Variants in RGS12 observed in about 807,000 individuals in gnomAD.
RGS12 encodes the protein regulator of G-protein signaling 12.
A neutral mutation model predicts 120.1 loss-of-function variants in RGS12; 66 were observed. That is an observed-to-expected ratio of 0.55 (90% CI 0.45 to 0.67). The LOEUF (loss-of-function observed/expected upper bound fraction) is 0.67. Among genes scored for constraint, RGS12 ranks in the 30% least tolerant of loss-of-function variants. The pLI, the probability that RGS12 is intolerant of heterozygous loss-of-function variation, is 0.00. For missense variants in RGS12, 1,859 were observed against 1,957.7 expected, an observed-to-expected ratio of 0.95 and a Z score of 0.95; for synonymous variants, 827 against 804.7, an observed-to-expected ratio of 1.03 and a Z score of -0.47.
At chr4:3,309,607 C>T (rs1156567436) in intron 1 of RGS12, among the ~76,000 whole-genome samples, 3 of 123,504 alleles carry the variant, frequency 2.4e-5, no homozygotes, top group Non-Finnish European at 4.9e-5. Context: ...GGAGCTGGGA[C>T]CTGGGAATGG....
intron 16 of RGS12, 101 bp from the exon 17 acceptor site, chr4:3,430,305 GT>G: frequency 9.4e-7 from 1 of 1,067,602 alleles, no homozygotes; most frequent in Non-Finnish European, 1.4e-6. Context: ...CTGATAGGGT[GT>G]TAGGACAGCC....
At chr4:3,322,064 C>T (rs1242887986) in intron 2 of RGS12, among the ~76,000 whole-genome samples, 2 of 152,258 alleles carry the variant, frequency 1.3e-5, no homozygotes, top group Admixed American at 6.5e-5. Context: ...CCGCCTCCAT[C>T]CTGCTGTCTG....
chr4:3,351,146 A>G (rs34780636), intron 3 of RGS12, among the ~76,000 whole-genome samples: 7,490 of 152,222 alleles, frequency 0.049, 221 homozygotes, highest in South Asian at 0.096. Flanking sequence ...TTCAGATTCA[A>G]TTGAATTTAG....
At chr4:3,286,604 G>T in the RGS12 span, among the ~76,000 whole-genome samples, 1 of 152,240 alleles carries the variant, frequency 6.6e-6, no homozygotes, top group Admixed American at 6.5e-5. Flanking sequence ...GCGGTGTGGG[G>T]TTTGCTCTCC....
Position 3,302,047 on chromosome 4 carries a change from T to C in RGS12, c.-102+8948T>C, listed in dbSNP as rs192516483. 1.8e-4 allele frequency among the ~76,000 whole-genome samples: 28 copies of C among 152,040 alleles called. 1 individual carries two copies. The East Asian group carries it at 5.4e-3, about 29-fold the overall frequency. ...CATTTATAGTCTCACTCTGCACAGA[T>C]TTAAAAACCACAAACAGAAGTAAAT... On this transcript the variant is annotated intron_variant, in intron 1 of 17. Transcript: ENST00000336727.
chr4:3,337,662 A>C (rs1712621244), intron 2 of RGS12, among the ~76,000 whole-genome samples: 1 of 152,160 alleles, frequency 6.6e-6, no homozygotes, highest in Non-Finnish European at 1.5e-5. Flanking sequence ...CAAATTCATA[A>C]AGACAGAAAG....
chr4:3,422,669 G>C, intron 11 of RGS12, 99 bp downstream of exon 11: 1 of 1,335,736 alleles, frequency 7.5e-7, no homozygotes, highest in South Asian at 1.4e-5. Context: ...CCCCTCCTGC[G>C]CTCCTCATTT....
chr4:3,360,923 A>G lies in RGS12; in HGVS notation c.1998+17870A>G, dbSNP rs114798689. Among the ~76,000 whole-genome samples the G allele has an allele frequency of 2.6e-3, 402 of 152,336 alleles. 2 individuals carry two copies. The highest frequency in any genetic ancestry group is 9.4e-3 in the African/African-American group (389 of 41,572). On this transcript the variant is annotated intron_variant, in intron 3 of 17. Coordinates refer to ENST00000336727, the MANE Select transcript of RGS12 (RefSeq NM_001394154.1). ...TGCTAGCCAAAGTCACATATGAGAA[A>G]GTTTCCAGGCAAATTCCTAGAGTTC...
At chr4:3,300,883 G>T (rs997500685) in intron 1 of RGS12, among the ~76,000 whole-genome samples, 1 of 152,188 alleles carries the variant, frequency 6.6e-6, no homozygotes, top group South Asian at 2.1e-4. Flanking sequence ...TCCAAATAGG[G>T]TCACAATCAC....
chr4:3,373,683 C>A (rs1015744818), intron 3 of RGS12, among the ~76,000 whole-genome samples: 1 of 152,168 alleles, frequency 6.6e-6, no homozygotes, highest in Non-Finnish European at 1.5e-5. Flanking sequence ...GGCCTCTGCC[C>A]GCCTGTGTCC....
In RGS12 at chr4:3,420,632, C is replaced by A. The variant is rs1722910167; in HGVS notation, c.2762-10C>A. The A allele has an allele frequency of 2.5e-6, 4 of 1,613,380 alleles. No homozygotes were observed. The highest frequency in any genetic ancestry group is 3.4e-6 in the Non-Finnish European group (4 of 1,179,812). On this transcript the variant is annotated splice_polypyrimidine_tract_variant and intron_variant, in intron 9 of 17. Coordinates refer to ENST00000336727, the MANE Select transcript of RGS12 (RefSeq NM_001394154.1). ...TGATTGACGTGAGTCACTGTGTTTC[C>A]CCTGTCAAGACGCCCTGCATGCCAA...
In RGS12 at chr4:3,439,568, C is replaced by T. The variant is rs1467069244; in HGVS notation, c.4228C>T (p.Pro1410Ser). ...DGGIAGAQAG[P>S]GRSQASGGPP... ...TGGCATAGCGGGGGCACAGGCTGGC[C>T]CTGGGAGGTCGCAGGCCAGTGGTGG... The change falls in exon 18 of 18, where the codon CCT becomes TCT. Residue 1410 changes from proline (P) to serine (S), a missense_variant. This residue lies in a region of RGS12 where 517 missense variants were observed against 488.5 expected (regional missense o/e 1.06). Coordinates refer to ENST00000336727, the MANE Select transcript of RGS12 (RefSeq NM_001394154.1). 3 of 1,611,728 alleles carry T rather than the reference C, an allele frequency of 1.9e-6. No homozygotes were observed. Among genetic ancestry groups the T allele is most frequent in the Admixed American group, 1.7e-5 (1 of 59,910 alleles).
intron 2 of RGS12, among the ~76,000 whole-genome samples, chr4:3,339,640 G>A (rs917879236): frequency 6.6e-6 from 1 of 152,250 alleles, no homozygotes; most frequent in Admixed American, 6.5e-5. Flanking sequence ...GAAGACAAAG[G>A]CTTTTAAAGG....
Position 3,389,679 on chromosome 4 carries a change from C to T in RGS12, c.2020+3242C>T, listed in dbSNP as rs191567869. ...CTGTGACCACCTCACCTTCTGAAGT[C>T]GGGGTGTGGAGACTATCGGGGAGCT... On this transcript the variant is annotated intron_variant, in intron 4 of 17. Coordinates refer to ENST00000336727, the MANE Select transcript of RGS12 (RefSeq NM_001394154.1). The surrounding 1 kb of genome is among the most constrained non-coding windows in gnomAD (Gnocchi z 5.2). 3.9e-5 allele frequency among the ~76,000 whole-genome samples: 6 copies of T among 152,266 alleles called. No individual in the cohort carries two copies. The highest frequency in any genetic ancestry group is 6.5e-5 in the Admixed American group (1 of 15,298).
At position 3,439,513 on chromosome 4, in the gene RGS12, T is replaced by C. The variant is rs766954645; in HGVS notation, c.4173T>C (p.Leu1391=). ...TCAACAGAATCATCGATGTGGATCT[T>C]GTAACTGGCTCGGCGCCCGGGCGGG... ...LPVNRIIDVD[L]VTGSAPGRDG... Residue 1391 remains leucine, a synonymous_variant, in exon 18 of 18, where the codon CTT becomes CTC. Coordinates refer to ENST00000336727, the MANE Select transcript of RGS12 (RefSeq NM_001394154.1). 138 of 1,612,588 alleles carry C rather than the reference T, an allele frequency of 8.6e-5. No individual in the cohort carries two copies. Among genetic ancestry groups the C allele is most frequent in the Middle Eastern group, 6.6e-4 (4 of 6,078 alleles).
At chr4:3,425,178 C>G (rs1349014200) in intron 13 of RGS12, among the ~76,000 whole-genome samples, 1 of 152,176 alleles carries the variant, frequency 6.6e-6, no homozygotes, top group African/African-American at 2.4e-5. Flanking sequence ...CAGTATTTCC[C>G]TCATAGCAGC....
chr4:3,422,755 G>A, intron 11 of RGS12, 150 bp from the exon 12 acceptor site: 3 of 962,078 alleles, frequency 3.1e-6, no homozygotes, highest in Non-Finnish European at 4.8e-6. Flanking sequence ...TGGGTGCTGG[G>A]TTGGTGTGGA....
chr4:3,427,626 C>T lies in RGS12; in HGVS notation c.3332-464C>T, dbSNP rs187753361. Among the ~76,000 whole-genome samples, 148 of 152,246 alleles carry T rather than the reference C, an allele frequency of 9.7e-4. 1 individual carries two copies. The highest frequency in any genetic ancestry group is 6.8e-3 in the Middle Eastern group (2 of 294). ...TGGCACATGCCTGTAATCCCAGCTA[C>T]ATGGGAGGCTGAGGCAGGAGAATTG... is the stretch of plus-strand genomic sequence containing the variant. On this transcript the variant is annotated intron_variant, in intron 14 of 17. Transcript: ENST00000336727.
At chr4:3,376,921 G>A (rs1301047863) in intron 3 of RGS12, among the ~76,000 whole-genome samples, 1 of 152,144 alleles carries the variant, frequency 6.6e-6, no homozygotes, top group Non-Finnish European at 1.5e-5. Flanking sequence ...GTGCTCTTCT[G>A]CATTTAGTCC....
Sources: allele counts gnomAD v4.1 joint callset (sites outside exome capture counted in the v4.1 genomes callset), GRCh38; gene constraint gnomAD v4.1.1; regional missense constraint gnomAD v4.1.1; non-coding constraint Gnocchi (gnomAD v3.1); transcripts MANE v1.5; gene names NCBI Gene and HGNC (gene_info 2026-07-23, HGNC 2026-07-21).